Variants in NOS1 observed in about 807,000 individuals in gnomAD.
The protein encoded by NOS1 is nitric oxide synthase 1, also known as NOS type I.
In NOS1, 51 loss-of-function variants were observed where a neutral mutation model predicts 164.5. That is an observed-to-expected ratio of 0.31 (90% CI 0.25 to 0.39). The LOEUF is 0.39. Ranked by LOEUF, NOS1 falls within the 10% of genes least tolerant of loss-of-function variation. The probability of loss-of-function intolerance (pLI) is 1.00; values close to 1 mark genes in which losing one functional copy is unlikely to be tolerated. For missense variants in NOS1, 1,362 were observed against 1,885.6 expected, an observed-to-expected ratio of 0.72 and a Z score of 5.14; for synonymous variants, 719 against 745.8, an observed-to-expected ratio of 0.96 and a Z score of 0.59.
At chr12:117,263,058 G>A (rs1872072362) in intron 13 of NOS1, among the ~76,000 whole-genome samples, 2 of 152,100 alleles carry the variant, frequency 1.3e-5, no homozygotes, top group Admixed American at 6.6e-5. Context: ...CATGTTTACT[G>A]TATTTGTTGA....
At chr12:117,281,835 A>C (rs1368788593) in intron 7 of NOS1, among the ~76,000 whole-genome samples, 1 of 102,300 alleles carries the variant, frequency 9.8e-6, no homozygotes, top group East Asian at 3.2e-4. Flanking sequence ...ATCTCAAAAA[A>C]AGAAAAAAAA....
chr12:117,265,661 T>G (rs1452715312), intron 11 of NOS1, 151 bp from the exon 12 acceptor site: 1 of 506,862 alleles, frequency 2.0e-6, no homozygotes, highest in African/African-American at 1.9e-5. Flanking sequence ...CTGCATTTCT[T>G]GTCCAGTCCT....
At chr12:117,264,952 C>T (rs1872268623) in intron 12 of NOS1, among the ~76,000 whole-genome samples, 1 of 151,926 alleles carries the variant, frequency 6.6e-6, no homozygotes, top group African/African-American at 2.4e-5. Context: ...ATCCACCTGC[C>T]TTGGCCTCCC....
chr12:117,238,419 C>G (rs1382170964), intron 20 of NOS1, among the ~76,000 whole-genome samples: 1 of 152,168 alleles, frequency 6.6e-6, no homozygotes, highest in Non-Finnish European at 1.5e-5. Flanking sequence ...GCCTCCTCAC[C>G]AGGCATCTAT....
intron 2 of NOS1, among the ~76,000 whole-genome samples, chr12:117,312,429 G>A (rs188199225): frequency 1.6e-4 from 24 of 151,670 alleles, no homozygotes; most frequent in East Asian, 5.9e-4. Context: ...ACTGTTTTTC[G>A]TTTTTTTCCC....
At chr12:117,294,514 G>A (rs1873288874) in intron 3 of NOS1, among the ~76,000 whole-genome samples, 1 of 152,158 alleles carries the variant, frequency 6.6e-6, no homozygotes, top group Non-Finnish European at 1.5e-5. Flanking sequence ...GAGGCTTCTG[G>A]CAGGGCTGTT....
At position 117,272,330 on chromosome 12, in the gene NOS1, G is replaced by A; in HGVS notation, c.1839+55C>T. 1 of 1,597,912 alleles carries A rather than the reference G, an allele frequency of 6.3e-7. No homozygotes were observed. Reference sequence around the variant, plus strand: ...TCGCCGTGGGGAAGGGGACTGCTGAGCTGGCACCCTCTGCTATGTGCTTTT... The same window carrying A: ...TCGCCGTGGGGAAGGGGACTGCTGAACTGGCACCCTCTGCTATGTGCTTTT... On this transcript the variant is annotated intron_variant, in intron 10 of 28. Transcript: ENST00000317775. This position sits in a 1 kb window ranked among gnomAD's most constrained non-coding sequence, Gnocchi z 4.3.
At chr12:117,295,629 T>G (rs1286298157) in intron 3 of NOS1, among the ~76,000 whole-genome samples, 6 of 147,618 alleles carry the variant, frequency 4.1e-5, no homozygotes, top group Non-Finnish European at 9.0e-5. Flanking sequence ...TTTTTTTTTT[T>G]TTTTTTGAGA....
chr12:117,231,140 T>A (rs551498384), intron 22 of NOS1, among the ~76,000 whole-genome samples: 1 of 151,972 alleles, frequency 6.6e-6, no homozygotes, highest in South Asian at 2.1e-4. Flanking sequence ...TGAAACTCCA[T>A]CTCTACTAAA....
In NOS1 at chr12:117,330,818, G is replaced by C; in HGVS notation, c.252C>G (p.Leu84=). ...DLSYDSALEV[L]RGIASETHVV... is the part of the protein sequence containing the mutation. ...CGTGGGTCTCAGAGGCAATGCCTCT[G>C]AGTACCTCCAGGGCGCTGTCATAGC... Residue 84 remains leucine (L), a synonymous_variant, in exon 2 of 29, where the codon CTC becomes CTG. Transcript: ENST00000317775. This position sits in a 1 kb window ranked among gnomAD's most constrained non-coding sequence, Gnocchi z 4.6. 1 of 1,614,102 alleles carries C rather than the reference G, an allele frequency of 6.2e-7. No individual in the cohort carries two copies. Among genetic ancestry groups the C allele is most frequent in the Non-Finnish European group, 8.5e-7 (1 of 1,180,010 alleles).
In NOS1 at chr12:117,212,383, G is replaced by A; in HGVS notation, c.*2926C>T. On this transcript the variant is annotated 3_prime_UTR_variant, in exon 29 of 29. Coordinates refer to ENST00000317775, the MANE Select transcript of NOS1 (RefSeq NM_000620.5). Reference sequence around the variant, plus strand: ...CCCAAAATTCCATATTGATGGGTCTGAAGTGTCCCCCCGCAAAAGAAAGAC... The same window carrying A: ...CCCAAAATTCCATATTGATGGGTCTAAAGTGTCCCCCCGCAAAAGAAAGAC... The A allele has an allele frequency of 1.0e-6, 1 of 985,374 alleles. No individual in the cohort carries two copies. The highest frequency in any genetic ancestry group is 1.2e-6 in the Non-Finnish European group (1 of 829,928). The allele number at this position is 985,374 out of a possible 1,614,324, so 61.0% of individuals were successfully genotyped here. A position where few individuals can be genotyped will look rare whatever the true frequency, so the allele number is the denominator to read the frequency against.
chr12:117,330,837 T>A lies in NOS1; in HGVS notation c.233A>T (p.Asp78Val). ...GCCTCTGAGTACCTCCAGGGCGCTG[T>A]CATAGCTCAGGTCCACCAAGGGCCG... ...NGRPLVDLSY[D>V]SALEVLRGIA... Residue 78 changes from aspartate to valine, a missense_variant, in exon 2 of 29, where the codon GAC becomes GTC. This residue lies in a region of NOS1 where 362 missense variants were observed against 402.0 expected (regional missense o/e 0.90). Transcript: ENST00000317775. This position sits in a 1 kb window ranked among gnomAD's most constrained non-coding sequence, Gnocchi z 4.6. 6.2e-7 allele frequency: 1 copy of A among 1,613,956 alleles called. No homozygotes were observed. The highest frequency in any genetic ancestry group is 8.5e-7 in the Non-Finnish European group (1 of 1,179,940).
rs754202936 is a variant in NOS1, at chr12:117,290,272, C to G, written c.981+26G>C. On this transcript the variant is annotated intron_variant, in intron 4 of 28. Coordinates refer to ENST00000317775, the MANE Select transcript of NOS1 (RefSeq NM_000620.5). ...GATAGTGATGAAGCTGCCACCCTCT[C>G]ATCTACACCCTGCTGGGATACTTAC... 12 of 1,607,642 alleles carry G rather than the reference C, an allele frequency of 7.5e-6. 1 individual carries two copies. The East Asian group carries it at 2.0e-4, about 27-fold the overall frequency.
intron 1 of NOS1, among the ~76,000 whole-genome samples, chr12:117,353,072 C>G (rs1327928275): frequency 6.6e-6 from 1 of 152,050 alleles, no homozygotes; most frequent in Non-Finnish European, 1.5e-5. Context: ...ACCTACCTAT[C>G]TACCTACTTA....
intron 24 of NOS1, among the ~76,000 whole-genome samples, chr12:117,226,056 G>T (rs990527559): frequency 6.6e-6 from 1 of 152,194 alleles, no homozygotes; most frequent in African/African-American, 2.4e-5. Flanking sequence ...CTGGGCTCAG[G>T]ACTCTATGTT....
Position 117,290,320 on chromosome 12 carries a change from G to A in NOS1, c.959C>T (p.Thr320Ile), listed in dbSNP as rs1369419347. 6.2e-7 allele frequency: 1 copy of A among 1,614,138 alleles called. No homozygotes were observed. The highest frequency in any genetic ancestry group is 1.1e-5 in the South Asian group (1 of 91,056). The change falls in exon 4 of 29, where the codon ACC (threonine) becomes ATC (isoleucine). Residue 320 changes from threonine (T) to isoleucine (I), a missense_variant. Coordinates refer to ENST00000317775, the MANE Select transcript of NOS1 (RefSeq NM_000620.5). ...NWETEVVLTD[T>I]LHLKSTLETG... ...TACCAATGTGCTCTTAAGGTGGAGG[G>A]TGTCAGTGAGAACCACCTCAGTCTC...
chr12:117,258,462 G>A lies in NOS1; in HGVS notation c.2473-7C>T. ...TCAAAGCACAGCCGAATTTCTGGAA[G>A]CCAAAACATATGGGTGAAATTAGCA... On this transcript the variant is annotated splice_region_variant and splice_polypyrimidine_tract_variant and intron_variant, in intron 15 of 28. Transcript: ENST00000317775. The A allele has an allele frequency of 3.7e-6, 6 of 1,614,030 alleles. No individual in the cohort carries two copies. The highest frequency in any genetic ancestry group is 5.1e-6 in the Non-Finnish European group (6 of 1,179,906).
At chr12:117,220,321 C>T (rs1956683356) in intron 26 of NOS1, 52 bp from the exon 27 acceptor site, 1 of 1,517,706 alleles carries the variant, frequency 6.6e-7, no homozygotes, top group Non-Finnish European at 8.8e-7. Flanking sequence ...AACGTGCCTG[C>T]CATAGCCCAT....
intron 17 of NOS1, among the ~76,000 whole-genome samples, chr12:117,251,527 C>G (rs915659157): frequency 6.6e-6 from 1 of 152,054 alleles, no homozygotes. Flanking sequence ...ATCCCCCCAC[C>G]ACAGCCTCCC....
Sources: gnomAD v4.1 joint callset for allele counts (sites outside exome capture counted in the v4.1 genomes callset) on GRCh38, gnomAD v4.1.1 for gene constraint, gnomAD v4.1.1 regional missense constraint, Gnocchi (gnomAD v3.1) non-coding constraint, MANE v1.5 for transcripts, NCBI Gene and HGNC (gene_info 2026-07-23, HGNC 2026-07-21) for gene names.